FSTL4: variants seen among roughly 807,000 people sequenced by gnomAD.
FSTL4 encodes the protein follistatin-related protein 4.
FSTL4 carries 28 observed loss-of-function variants against 78.2 expected under a neutral mutation model. The ratio of observed to expected loss-of-function variants is 0.36; its 90% CI spans 0.27 to 0.49. The LOEUF is 0.49. Among genes scored for constraint, FSTL4 ranks in the 20% least tolerant of loss-of-function variants. The pLI is 0.98. For synonymous variants in FSTL4, 422 were observed against 440.5 expected, an observed-to-expected ratio of 0.96 and a Z score of 0.53; for missense variants, 922 against 1,084.9, an observed-to-expected ratio of 0.85 and a Z score of 2.11.
rs1761111168 is a variant in FSTL4, at chr5:133,612,130, G to T, written c.-11+195C>A. Among the ~76,000 whole-genome samples the T allele has an allele frequency of 1.3e-5, 2 of 152,116 alleles. No homozygotes were observed. Among genetic ancestry groups the T allele is most frequent in the African/African-American group, 4.8e-5 (2 of 41,558 alleles). ...GGTAGCCCTGCCGAGCCCTGGCCCAGCGGTCCCTTCCCCGCGGGCAAACTT... is the reference window on the plus strand; with the variant it reads ...GGTAGCCCTGCCGAGCCCTGGCCCATCGGTCCCTTCCCCGCGGGCAAACTT... On this transcript the variant is annotated intron_variant, in intron 1 of 15. Transcript: ENST00000265342. The surrounding 1 kb of genome is among the most constrained non-coding windows in gnomAD (Gnocchi z 6.2).
At chr5:133,379,102 T>C (rs1013820734) in intron 4 of FSTL4, among the ~76,000 whole-genome samples, 8 of 151,546 alleles carry the variant, frequency 5.3e-5, no homozygotes, top group African/African-American at 1.7e-4. Context: ...GCTGAAAGAG[T>C]TATACTAATA....
intron 3 of FSTL4, among the ~76,000 whole-genome samples, chr5:133,557,089 A>G (rs1043646588): frequency 1.3e-5 from 2 of 152,200 alleles, no homozygotes; most frequent in African/African-American, 4.8e-5. Context: ...GACAGGGCAA[A>G]AGAACAAGGT....
chr5:133,270,288 CT>C (rs1332723948), intron 6 of FSTL4: 10 of 152,152 alleles, frequency 6.6e-5, no homozygotes, highest in African/African-American at 2.4e-4. Flanking sequence ...GCTATTGAGG[CT>C]ACAGGACTGT....
intron 4 of FSTL4, among the ~76,000 whole-genome samples, chr5:133,365,155 T>A (rs1395370692): frequency 1.3e-5 from 2 of 151,940 alleles, no homozygotes; most frequent in Non-Finnish European, 2.9e-5. Flanking sequence ...TGTCCTCCTT[T>A]TACGAGGAGT....
chr5:133,312,424 G>A (rs569250812), intron 6 of FSTL4: 64 of 553,738 alleles, frequency 1.2e-4, no homozygotes, highest in Non-Finnish European at 1.7e-4. Flanking sequence ...CTCAAAGAGC[G>A]AGAAAAATCT....
At chr5:133,561,481 G>A (rs1157820254) in intron 3 of FSTL4, among the ~76,000 whole-genome samples, 2 of 152,086 alleles carry the variant, frequency 1.3e-5, no homozygotes, top group African/African-American at 2.4e-5. Flanking sequence ...TGTCATTCTG[G>A]GGGAAAAGTT....
At chr5:133,683,996 T>C in the FSTL4 span, among the ~76,000 whole-genome samples, 2 of 152,216 alleles carry the variant, frequency 1.3e-5, no homozygotes, top group Admixed American at 6.5e-5. Flanking sequence ...CTTGATTTCA[T>C]GCTAGATGGC....
chr5:133,765,496 A>G, the FSTL4 span, among the ~76,000 whole-genome samples: 3 of 152,224 alleles, frequency 2.0e-5, no homozygotes, highest in Non-Finnish European at 4.4e-5. Flanking sequence ...AGCAAGGGAC[A>G]CCTCACTGAC....
At chr5:133,205,031 C>A (rs1280787801) in intron 14 of FSTL4, among the ~76,000 whole-genome samples, 1 of 152,034 alleles carries the variant, frequency 6.6e-6, no homozygotes. Flanking sequence ...CCTAGACTTT[C>A]CAGTTATGAG....
the FSTL4 span, among the ~76,000 whole-genome samples, chr5:133,797,867 C>T: frequency 2.5e-4 from 38 of 152,266 alleles, no homozygotes; most frequent in Admixed American, 7.8e-4. Flanking sequence ...CCGCAGGGGA[C>T]CCAGCCAACC....
At chr5:133,699,741 T>C in the FSTL4 span, among the ~76,000 whole-genome samples, 14 of 151,904 alleles carry the variant, frequency 9.2e-5, no homozygotes, top group East Asian at 2.7e-3. Flanking sequence ...ATTAGCCAGG[T>C]GCAGTGGCGG....
the FSTL4 span, among the ~76,000 whole-genome samples, chr5:133,699,979 G>C: frequency 9.2e-3 from 1,388 of 151,556 alleles, 22 homozygotes; most frequent in African/African-American, 0.031. Flanking sequence ...GCCTGGGCTC[G>C]GTTGTACCAG....
At chr5:133,320,994 G>C (rs1201014617) in intron 4 of FSTL4, among the ~76,000 whole-genome samples, 1 of 115,310 alleles carries the variant, frequency 8.7e-6, no homozygotes, top group Non-Finnish European at 1.7e-5. Flanking sequence ...GTGACAGAGC[G>C]AGACTCCGTC....
intron 12 of FSTL4, among the ~76,000 whole-genome samples, chr5:133,220,523 G>C (rs1280043761): frequency 6.6e-6 from 1 of 152,108 alleles, no homozygotes; most frequent in African/African-American, 2.4e-5. Context: ...GTACCACCTG[G>C]GCCTCACCTG....
At chr5:133,671,945 T>C in the FSTL4 span, among the ~76,000 whole-genome samples, 1 of 152,240 alleles carries the variant, frequency 6.6e-6, no homozygotes, top group Admixed American at 6.5e-5. Flanking sequence ...TATTTAAGAA[T>C]GTTACCACAG....
chr5:133,606,398 G>A (rs1005861248), intron 1 of FSTL4, among the ~76,000 whole-genome samples: 1 of 152,146 alleles, frequency 6.6e-6, no homozygotes, highest in East Asian at 1.9e-4. Flanking sequence ...GGTATTATAG[G>A]AATGAGCCAC....
At chr5:133,287,127 G>A (rs112151944) in intron 6 of FSTL4, among the ~76,000 whole-genome samples, 2,122 of 152,274 alleles carry the variant, frequency 0.014, 28 homozygotes, top group Non-Finnish European at 0.021. Flanking sequence ...GGTGGCTCAC[G>A]CCTGTAATTC....
the FSTL4 span, among the ~76,000 whole-genome samples, chr5:133,649,865 G>A: frequency 1.3e-4 from 19 of 151,936 alleles, no homozygotes; most frequent in Admixed American, 6.6e-5. Context: ...TTTCAATGAA[G>A]TTCAGTATTT....
At chr5:133,375,721 T>C (rs1755418428) in intron 4 of FSTL4, among the ~76,000 whole-genome samples, 2 of 152,180 alleles carry the variant, frequency 1.3e-5, no homozygotes, top group South Asian at 4.1e-4. Context: ...ACCAAAAATA[T>C]CTACTTGTCT....
Sources: gnomAD v4.1 joint callset for allele counts (sites outside exome capture counted in the v4.1 genomes callset) on GRCh38, gnomAD v4.1.1 for gene constraint, Gnocchi (gnomAD v3.1) non-coding constraint, MANE v1.5 for transcripts, NCBI Gene and HGNC (gene_info 2026-07-23, HGNC 2026-07-21) for gene names.